Variants in KCNN2 observed in about 807,000 individuals in gnomAD.
KCNN2 encodes the protein potassium calcium-activated channel subfamily N member 2.
KCNN2 carries 24 observed loss-of-function variants against 55.5 expected under a neutral mutation model. That is an observed-to-expected ratio of 0.43 (90% CI 0.31 to 0.61). The LOEUF is 0.61. Among genes scored for constraint, KCNN2 ranks in the 20% least tolerant of loss-of-function variants. KCNN2 has a pLI of 0.08. For synonymous variants in KCNN2, 431 were observed against 336.1 expected (o/e 1.28, Z -3.09); for missense variants, 754 against 853.6 (o/e 0.88, Z 1.45).
intron 1 of KCNN2, among the ~76,000 whole-genome samples, chr5:114,173,497 T>C (rs1753081201): frequency 6.7e-6 from 1 of 148,970 alleles, no homozygotes; most frequent in South Asian, 2.2e-4. Flanking sequence ...CCCATACAAA[T>C]TGTAGAATTG....
intron 5 of KCNN2, among the ~76,000 whole-genome samples, chr5:114,480,490 G>A (rs1305741419): frequency 6.6e-6 from 1 of 152,070 alleles, no homozygotes; most frequent in Non-Finnish European, 1.5e-5. Context: ...AGGAGGGACT[G>A]CTCCCTAACT....
chr5:114,058,526 G>C (rs1157319715), intron 1 of KCNN2, among the ~76,000 whole-genome samples: 1 of 152,114 alleles, frequency 6.6e-6, no homozygotes, highest in African/African-American at 2.4e-5. Flanking sequence ...GAAAGTGTAT[G>C]GTGGACCACG....
intron 2 of KCNN2, among the ~76,000 whole-genome samples, chr5:114,404,004 A>G (rs1758865061): frequency 6.6e-6 from 1 of 152,238 alleles, no homozygotes; most frequent in South Asian, 2.1e-4. Flanking sequence ...ATTATAGGGT[A>G]TAACTGATTG....
chr5:114,248,186 A>C (rs1295726818), intron 2 of KCNN2, among the ~76,000 whole-genome samples: 1 of 152,192 alleles, frequency 6.6e-6, no homozygotes, highest in Non-Finnish European at 1.5e-5. Context: ...GAAAGAGGGA[A>C]GTGTATATTA....
In KCNN2 at chr5:114,357,003, A is replaced by G. The variant is rs551746753; in HGVS notation, c.-184-3942A>G. Among the ~76,000 whole-genome samples, 11 of 152,204 alleles carry G rather than the reference A, an allele frequency of 7.2e-5. No homozygotes were observed. The East Asian group carries it at 1.9e-3, about 27-fold the overall frequency. On this transcript the variant is annotated intron_variant, in intron 2 of 10. Transcript: ENST00000512097. ...CACAACCTCTGCGTTTGGCACCACC[A>G]AATATTGTAGTTGACTCACCCAGGC...
At chr5:114,389,390 G>C (rs76066829) in intron 2 of KCNN2, among the ~76,000 whole-genome samples, 6 of 152,256 alleles carry the variant, frequency 3.9e-5, no homozygotes, top group African/African-American at 1.4e-4. Context: ...AGGCTCTGAA[G>C]CCAGATTGCT....
At chr5:114,168,259 A>C (rs144601795) in intron 1 of KCNN2, among the ~76,000 whole-genome samples, 42 of 151,598 alleles carry the variant, frequency 2.8e-4, no homozygotes, top group Non-Finnish European at 8.8e-5. Context: ...TGGGTTTTCT[A>C]TTTAGTTTCC....
In KCNN2 at chr5:114,362,437, C is replaced by T. The variant is rs990037819; in HGVS notation, c.298C>T (p.Arg100Trp). Residue 100 changes from arginine to tryptophan, a missense_variant, in exon 1 of 8, where the codon CGG becomes TGG. This residue lies in a region of KCNN2 where 381 missense variants were observed against 259.1 expected (regional missense o/e 1.47). Transcript: ENST00000673685. Reference sequence around the variant, plus strand: ...CACCTCCTCGCCCGGCGGCGCCTTCCGGACCCGCACCTCCTCGCCGCTGTC... The same window carrying T: ...CACCTCCTCGCCCGGCGGCGCCTTCTGGACCCGCACCTCCTCGCCGCTGTC... ...LRTSSPGGAF[R>W]TRTSSPLSGS... 5.5e-6 allele frequency: 2 copies of T among 364,728 alleles called. No individual in the cohort carries two copies. The highest frequency in any genetic ancestry group is 9.9e-6 in the Non-Finnish European group (2 of 202,998). 22.6% of individuals were successfully genotyped at this position (364,728 alleles called of 1,614,324 possible). A position where few individuals can be genotyped will look rare whatever the true frequency, so the allele number is the denominator to read the frequency against.
At chr5:114,314,130 G>A (rs932372947) in intron 2 of KCNN2, among the ~76,000 whole-genome samples, 1 of 152,010 alleles carries the variant, frequency 6.6e-6, no homozygotes, top group African/African-American at 2.4e-5. Context: ...AAAATGAGGT[G>A]GGAGCCGCCT....
chr5:114,467,119 A>ATTAGTTGT, intron 4 of KCNN2, among the ~76,000 whole-genome samples: 1 of 152,170 alleles, frequency 6.6e-6, no homozygotes. Context: ...TGGTGACTCC[A>ATTAGTTGT]TTAGTTGTCA....
At chr5:114,205,730 G>T (rs900067562) in intron 1 of KCNN2, among the ~76,000 whole-genome samples, 1 of 152,056 alleles carries the variant, frequency 6.6e-6, no homozygotes, top group African/African-American at 2.4e-5. Context: ...TTCACCTAAG[G>T]CTACAACATC....
intron 1 of KCNN2, among the ~76,000 whole-genome samples, chr5:114,065,797 AG>A (rs1261992589): frequency 6.6e-6 from 1 of 151,258 alleles, no homozygotes; most frequent in African/African-American, 2.4e-5. Context: ...AAAAGAAGCA[AG>A]ATACCAGTGA....
At chr5:114,374,715 C>CTT (rs1430907067) in intron 2 of KCNN2, among the ~76,000 whole-genome samples, 1 of 152,112 alleles carries the variant, frequency 6.6e-6, no homozygotes, top group Non-Finnish European at 1.5e-5. Flanking sequence ...GAGTTTTGGA[C>CTT]TTTGCTTTTC....
intron 1 of KCNN2, among the ~76,000 whole-genome samples, chr5:114,077,911 A>G (rs1750717221): frequency 6.6e-6 from 1 of 152,056 alleles, no homozygotes; most frequent in Non-Finnish European, 1.5e-5. Context: ...ACCAGGAGAG[A>G]CTTTATTTAG....
intron 2 of KCNN2, among the ~76,000 whole-genome samples, chr5:114,335,461 A>G (rs1756903898): frequency 6.6e-6 from 1 of 152,144 alleles, no homozygotes; most frequent in Admixed American, 6.5e-5. Flanking sequence ...CTGCCTCACA[A>G]AACTCTTAAA....
intron 1 of KCNN2, among the ~76,000 whole-genome samples, chr5:114,059,691 T>A (rs1580473319): frequency 1.3e-5 from 2 of 152,148 alleles, no homozygotes; most frequent in South Asian, 4.1e-4. Flanking sequence ...AGTCTAATGG[T>A]AGTGCGAGCC....
Position 114,451,326 on chromosome 5 carries a change from A to G in KCNN2, c.1638-11723A>G, listed in dbSNP as rs576796454. On this transcript the variant is annotated intron_variant, in intron 3 of 7. Coordinates refer to ENST00000673685, the MANE Select transcript of KCNN2 (RefSeq NM_021614.4). Reference sequence around the variant, plus strand: ...TAGAACATAGCCGCTGATGGTCTGGAGACAAAAAAGTAAGTTGTCTATATC... The same window carrying G: ...TAGAACATAGCCGCTGATGGTCTGGGGACAAAAAAGTAAGTTGTCTATATC... Among the ~76,000 whole-genome samples the G allele has an allele frequency of 7.2e-5, 11 of 152,282 alleles. No individual in the cohort carries two copies. The East Asian group carries it at 2.1e-3, about 29-fold the overall frequency.
intron 2 of KCNN2, among the ~76,000 whole-genome samples, chr5:114,227,678 A>C (rs1347971310): frequency 1.3e-5 from 2 of 152,164 alleles, no homozygotes; most frequent in Non-Finnish European, 2.9e-5. Context: ...AAAAGTAATA[A>C]AATTTGAAAT....
chr5:114,333,874 A>G (rs1756872560), intron 2 of KCNN2, among the ~76,000 whole-genome samples: 1 of 152,190 alleles, frequency 6.6e-6, no homozygotes, highest in Admixed American at 6.5e-5. Flanking sequence ...CGTAGCTGTC[A>G]ACTATGTTCA....
Sources: gnomAD v4.1 joint callset for allele counts (sites outside exome capture counted in the v4.1 genomes callset) on GRCh38, gnomAD v4.1.1 for gene constraint, gnomAD v4.1.1 regional missense constraint, MANE v1.5 for transcripts, NCBI Gene and HGNC (gene_info 2026-07-23, HGNC 2026-07-21) for gene names.